CCDC178: variants seen among roughly 807,000 people sequenced by gnomAD.
CCDC178 encodes coiled-coil domain-containing protein 178.
In CCDC178, 126 loss-of-function variants were observed where a neutral mutation model predicts 117.4. The ratio of observed to expected loss-of-function variants is 1.07; its 90% CI spans 0.93 to 1.24. The LOEUF (loss-of-function observed/expected upper bound fraction) is 1.24. Among genes scored for constraint, CCDC178 ranks in the 50% most tolerant of loss-of-function variants. CCDC178 has a pLI of 0.00. For synonymous variants in CCDC178, 283 were observed against 313.4 expected, an observed-to-expected ratio of 0.90 and a Z score of 1.02; for missense variants, 1,030 against 986.9, an observed-to-expected ratio of 1.04 and a Z score of -0.59.
chr18:33,025,192 CCATAT>C (rs2144841604), intron 21 of CCDC178, among the ~76,000 whole-genome samples: 1 of 152,124 alleles, frequency 6.6e-6, no homozygotes, highest in East Asian at 1.9e-4. Flanking sequence ...GTGTAATCTA[CCATAT>C]CAACACATTT....
Position 33,050,046 on chromosome 18 carries a change from A to C in CCDC178, c.2388+42715T>G, listed in dbSNP as rs1286356522. ...CCGTGATCTGAGATCCTGCCACTGCACTCCAGCCTGGGTGACAGAGCAAGA... is the reference window on the plus strand; with the variant it reads ...CCGTGATCTGAGATCCTGCCACTGCCCTCCAGCCTGGGTGACAGAGCAAGA... On this transcript the variant is annotated intron_variant, in intron 21 of 22. Transcript: ENST00000383096. Among the ~76,000 whole-genome samples the C allele has an allele frequency of 2.0e-5, 3 of 152,124 alleles. No homozygotes were observed. The East Asian group carries it at 5.8e-4, about 29-fold the overall frequency.
chr18:33,372,126 TAAAGTAATGGGAA>T (rs2063309240), intron 5 of CCDC178, among the ~76,000 whole-genome samples: 1 of 152,174 alleles, frequency 6.6e-6, no homozygotes, highest in East Asian at 1.9e-4. Flanking sequence ...TAACATATGG[TAAAGTAATGGGAA>T]TCACGTACTA....
At chr18:33,055,468 C>A (rs973537463) in intron 21 of CCDC178, among the ~76,000 whole-genome samples, 1 of 151,900 alleles carries the variant, frequency 6.6e-6, no homozygotes, top group Admixed American at 6.6e-5. Flanking sequence ...TCCTGTGTAG[C>A]TGGGACAGCA....
At chr18:33,243,059 C>G (rs144587556) in intron 15 of CCDC178, among the ~76,000 whole-genome samples, 205 of 151,956 alleles carry the variant, frequency 1.3e-3, no homozygotes, top group African/African-American at 4.7e-3. Context: ...CAATGGAATA[C>G]TATTGAGCCA....
intron 21 of CCDC178, among the ~76,000 whole-genome samples, chr18:33,051,097 C>T (rs9957816): frequency 4.0e-5 from 6 of 151,792 alleles, no homozygotes; most frequent in African/African-American, 1.5e-4. Flanking sequence ...ATTTTTAGTA[C>T]AGACGGGGCT....
chr18:33,293,998 CAG>C (rs1238498367), intron 11 of CCDC178, among the ~76,000 whole-genome samples: 2 of 151,994 alleles, frequency 1.3e-5, no homozygotes, highest in East Asian at 3.9e-4. Context: ...GAAGAGGAGG[CAG>C]AAGTGAAAAG....
chr18:33,098,035 C>T (rs1232621234), intron 20 of CCDC178, among the ~76,000 whole-genome samples: 2 of 152,056 alleles, frequency 1.3e-5, no homozygotes, highest in African/African-American at 4.8e-5. Flanking sequence ...TAGAATAATG[C>T]TACCCTTGGA....
intron 21 of CCDC178, among the ~76,000 whole-genome samples, chr18:32,994,621 G>T (rs1264353085): frequency 6.6e-6 from 1 of 152,116 alleles, no homozygotes; most frequent in Non-Finnish European, 1.5e-5. Flanking sequence ...GAACAGAAAA[G>T]CCTCCAAGAC....
At chr18:32,943,327 C>T (rs1167608501) in intron 22 of CCDC178, among the ~76,000 whole-genome samples, 1 of 152,162 alleles carries the variant, frequency 6.6e-6, no homozygotes, top group Non-Finnish European at 1.5e-5. Flanking sequence ...AAGAAAATTT[C>T]ACACGAATTC....
chr18:33,284,220 C>T (rs941366434), intron 12 of CCDC178, among the ~76,000 whole-genome samples: 2 of 152,078 alleles, frequency 1.3e-5, no homozygotes, highest in Non-Finnish European at 2.9e-5. Context: ...CACATGGATA[C>T]ACAGAGGGGA....
At chr18:33,300,287 T>G (rs1309540388) in intron 11 of CCDC178, among the ~76,000 whole-genome samples, 1 of 152,214 alleles carries the variant, frequency 6.6e-6, no homozygotes, top group Non-Finnish European at 1.5e-5. Context: ...TGTGAGCCAA[T>G]TAAGCCTTTT....
At chr18:32,964,598 T>C (rs1023781752) in intron 22 of CCDC178, among the ~76,000 whole-genome samples, 1 of 151,936 alleles carries the variant, frequency 6.6e-6, no homozygotes, top group Non-Finnish European at 1.5e-5. Flanking sequence ...CATTACTGTG[T>C]ACAGGGCACA....
chr18:33,122,373 C>T (rs533938231), intron 20 of CCDC178, among the ~76,000 whole-genome samples: 5 of 152,124 alleles, frequency 3.3e-5, no homozygotes, highest in African/African-American at 9.6e-5. Context: ...TTGATACCTG[C>T]ACTTATAGAG....
At chr18:33,434,175 C>T (rs1399797462) in intron 2 of CCDC178, among the ~76,000 whole-genome samples, 1 of 151,678 alleles carries the variant, frequency 6.6e-6, no homozygotes, top group East Asian at 1.9e-4. Flanking sequence ...CAAAACAAAC[C>T]AGAGATATAA....
intron 11 of CCDC178, among the ~76,000 whole-genome samples, chr18:33,307,981 C>T (rs774183508): frequency 2.6e-4 from 39 of 152,240 alleles, no homozygotes; most frequent in Non-Finnish European, 4.0e-4. Flanking sequence ...CATGGAGAAC[C>T]TCTGCTAGAG....
chr18:33,156,660 A>AAAAG (rs1555652202), intron 20 of CCDC178, among the ~76,000 whole-genome samples: 1 of 151,052 alleles, frequency 6.6e-6, no homozygotes, highest in Non-Finnish European at 1.5e-5. Flanking sequence ...AAAAAAAAAA[A>AAAAG]AGAGAAAATA....
rs541519696 is a variant in CCDC178 at position 33,425,303 on chromosome 18, T to TA, written c.-22-13194dup. On this transcript the variant is annotated intron_variant, in intron 2 of 22. Transcript: ENST00000383096. ...TCAATTAATTTAAAAACAAAAATTT[T>TA]AAAAAAACCTGTAACCTGAAACACA... Among the ~76,000 whole-genome samples, 259 of 152,154 alleles carry TA rather than the reference T, an allele frequency of 1.7e-3. 3 individuals carry two copies. The highest frequency in any genetic ancestry group is 5.8e-3 in the African/African-American group (241 of 41,506).
intron 11 of CCDC178, among the ~76,000 whole-genome samples, chr18:33,321,812 T>C (rs1420659547): frequency 2.0e-5 from 3 of 151,904 alleles, no homozygotes; most frequent in Non-Finnish European, 4.4e-5. Flanking sequence ...TATCCAAATA[T>C]GTTAGTGATT....
Position 33,154,805 on chromosome 18 carries a change from G to A in CCDC178, c.2238+57091C>T, listed in dbSNP as rs554865196. 7.9e-5 allele frequency among the ~76,000 whole-genome samples: 12 copies of A among 152,154 alleles called. No individual in the cohort carries two copies. The South Asian group carries it at 2.5e-3, about 32-fold the overall frequency. ...ACATGGAATATTATCAGTGATAAAGGTCATTTTATAAAGGGTCGATTGGTT... is the reference window on the plus strand; with the variant it reads ...ACATGGAATATTATCAGTGATAAAGATCATTTTATAAAGGGTCGATTGGTT... On this transcript the variant is annotated intron_variant, in intron 20 of 22. Transcript: ENST00000383096.
Sources: allele counts gnomAD v4.1 joint callset (sites outside exome capture counted in the v4.1 genomes callset), GRCh38; gene constraint gnomAD v4.1.1; transcripts MANE v1.5; gene names NCBI Gene and HGNC (gene_info 2026-07-23, HGNC 2026-07-21).